CYREN: variants seen among roughly 807,000 people sequenced by gnomAD.
CYREN encodes cell cycle regulator of NHEJ, also known as cell cycle regulator of non-homologous end joining.
A neutral mutation model predicts 9.7 loss-of-function variants in CYREN; 7 were observed. The observed-to-expected ratio is 0.72, with a 90% CI of 0.41 to 1.36. The LOEUF is 1.36. Among genes scored for constraint, CYREN ranks in the 40% most tolerant of loss-of-function variants. CYREN has a pLI of 0.01. For missense variants in CYREN, 215 were observed against 198.1 expected (o/e 1.09, Z -0.51); for synonymous variants, 76 against 77.9 (o/e 0.98, Z 0.13).
chr7:135,126,776 C>A (rs1395003543), intron 2 of CYREN, among the ~76,000 whole-genome samples: 1 of 152,180 alleles, frequency 6.6e-6, no homozygotes, highest in Non-Finnish European at 1.5e-5. Context: ...GGAAAGGATT[C>A]CCTGTTCAAT....
intron 2 of CYREN, among the ~76,000 whole-genome samples, chr7:135,150,367 A>T (rs1314136752): frequency 1.3e-5 from 2 of 152,132 alleles, no homozygotes; most frequent in Non-Finnish European, 2.9e-5. Context: ...CTTTTCAAAA[A>T]TTATAATTAC....
intron 2 of CYREN, among the ~76,000 whole-genome samples, chr7:135,140,007 C>G (rs10231135): frequency 0.49 from 73,746 of 151,816 alleles, 18,258 homozygotes; most frequent in South Asian, 0.66. Flanking sequence ...ATGCTTCCAG[C>G]TTTGTTCTTT....
intron 2 of CYREN, chr7:135,135,393 A>G (rs997839471): frequency 4.7e-6 from 3 of 639,974 alleles, no homozygotes; most frequent in Non-Finnish European, 6.9e-6. Context: ...GCATAAACTA[A>G]AAATTTTAGA....
chr7:135,159,990 A>G (rs1428511472), intron 2 of CYREN, among the ~76,000 whole-genome samples: 4 of 152,244 alleles, frequency 2.6e-5, no homozygotes, highest in Non-Finnish European at 5.9e-5. Flanking sequence ...GCATTATAAA[A>G]TAATGTTACA....
At chr7:135,117,484 A>G (rs1009099955) in intron 2 of CYREN, among the ~76,000 whole-genome samples, 1 of 152,252 alleles carries the variant, frequency 6.6e-6, no homozygotes, top group African/African-American at 2.4e-5. Context: ...AATGTCTAAA[A>G]TGGTTTAGCA....
exon 3 of CYREN, chr7:135,094,542 C>T (rs1350075370): frequency 1.1e-5 from 5 of 456,598 alleles, no homozygotes; most frequent in African/African-American, 4.0e-5. Context: ...TCAGGAATCC[C>T]ACCAGGTTCT....
chr7:135,165,421 A>G (rs142417405), downstream of CYREN: 244 of 180,826 alleles, frequency 1.3e-3, 1 homozygote, highest in African/African-American at 5.6e-3. Context: ...GAGGACATTA[A>G]AAGAGCGAGC....
intron 2 of CYREN, among the ~76,000 whole-genome samples, chr7:135,099,591 T>C (rs1390187402): frequency 6.6e-6 from 1 of 152,204 alleles, no homozygotes; most frequent in Non-Finnish European, 1.5e-5. Context: ...GAACTGTACT[T>C]GATTTCTTCT....
intron 2 of CYREN, among the ~76,000 whole-genome samples, chr7:135,130,792 A>G (rs1398524002): frequency 6.6e-6 from 1 of 152,130 alleles, no homozygotes; most frequent in African/African-American, 2.4e-5. Context: ...ATTTGGCTTC[A>G]TACTCTTTTT....
chr7:135,149,540 T>C (rs1276186885), intron 2 of CYREN, among the ~76,000 whole-genome samples: 9 of 152,220 alleles, frequency 5.9e-5, no homozygotes, highest in Admixed American at 5.2e-4. Context: ...TTAGGATAGA[T>C]TTATAAAAGT....
Position 135,147,672 on chromosome 7 carries a change from G to C in CYREN, n.356+21077C>G. ...AAAATTGATCTCTAAAAGGGGTTGG[G>C]GGACAGACGGCATAGCTGCTTCCCA... On this transcript the variant is annotated intron_variant and non_coding_transcript_variant, in intron 2 of 2. Coordinates refer to the CYREN transcript ENST00000459937. 4 of 424,994 alleles carry C rather than the reference G, an allele frequency of 9.4e-6. 1 individual carries two copies. The highest frequency in any genetic ancestry group is 6.7e-5 in the South Asian group (4 of 59,852). The allele number at this position is 424,994 out of a possible 1,614,324, so 26.3% of individuals were successfully genotyped here.
At chr7:135,128,687 C>A in intron 2 of CYREN, 5 of 1,300,730 alleles carry the variant, frequency 3.8e-6, no homozygotes, top group Non-Finnish European at 5.5e-6. Flanking sequence ...TGAATATTGT[C>A]TCTCCTTTTG....
chr7:135,171,082 T>C (rs556344733), upstream of CYREN, among the ~76,000 whole-genome samples: 89 of 152,156 alleles, frequency 5.8e-4, no homozygotes, highest in Admixed American at 3.6e-3. Flanking sequence ...CTCGTGTGCT[T>C]GAGGAGGATG....
chr7:135,154,336 T>A lies in CYREN; in HGVS notation n.356+14413A>T, dbSNP rs201465965. 1.8e-4 allele frequency among the ~76,000 whole-genome samples: 27 copies of A among 152,302 alleles called. No individual in the cohort carries two copies. In the East Asian group the frequency reaches 4.4e-3, roughly 25 times the overall value. On this transcript the variant is annotated intron_variant and non_coding_transcript_variant, in intron 2 of 2. Coordinates refer to the CYREN transcript ENST00000459937. ...AACTTTTAGTTTCATTGATCCTTTG[T>A]AAATTTTTTGTCCCTGTTTCATTTA... is the stretch of plus-strand genomic sequence containing the variant.
Position 135,160,741 on chromosome 7 carries a change from A to AC in CYREN, n.356+8007_356+8008insG, listed in dbSNP as rs1485790184. 5.3e-5 allele frequency among the ~76,000 whole-genome samples: 8 copies of AC among 151,968 alleles called. No individual in the cohort carries two copies. In the East Asian group the frequency reaches 1.2e-3, roughly 22 times the overall value. ...GCATTTTCATTCGCTCATTTAAAAA[A>AC]AAAAAACAAAAAAAAGAGCCCCTAC... On this transcript the variant is annotated intron_variant and non_coding_transcript_variant, in intron 2 of 2. Transcript: ENST00000459937.
intron 2 of CYREN, among the ~76,000 whole-genome samples, chr7:135,113,801 C>T (rs1327292439): frequency 6.6e-6 from 1 of 152,136 alleles, no homozygotes; most frequent in African/African-American, 2.4e-5. Flanking sequence ...ATGCCTATTC[C>T]TCTGCAATTC....
intron 2 of CYREN, chr7:135,115,234 T>C (rs1826159572): frequency 1.8e-6 from 1 of 541,722 alleles, no homozygotes; most frequent in Non-Finnish European, 3.3e-6. Context: ...ATATTTTATT[T>C]GTTTATTTTC....
At chr7:135,164,484 A>C (rs754734068), downstream of CYREN, 3 of 1,605,536 alleles carry the variant, frequency 1.9e-6, no homozygotes, top group Non-Finnish European at 2.6e-6. Context: ...GCTGCTGTTC[A>C]TGAGCATCAT....
chr7:135,105,257 A>G (rs1423625431), intron 2 of CYREN, among the ~76,000 whole-genome samples: 1 of 152,040 alleles, frequency 6.6e-6, no homozygotes, highest in Non-Finnish European at 1.5e-5. Context: ...TTTAGTAGGG[A>G]TGGGGTTTCA....
Sources: allele counts gnomAD v4.1 joint callset (sites outside exome capture counted in the v4.1 genomes callset), GRCh38; gene constraint gnomAD v4.1.1; transcripts MANE v1.5; gene names NCBI Gene and HGNC (gene_info 2026-07-23, HGNC 2026-07-21).